The following CAMK2D variants were observed in gnomAD, a reference collection of about 807,000 sequenced individuals.
CAMK2D encodes calcium/calmodulin dependent protein kinase II delta.
CAMK2D carries 37 observed loss-of-function variants against 84.0 expected under a neutral mutation model. The ratio of observed to expected loss-of-function variants is 0.44; its 90% CI spans 0.34 to 0.58. CAMK2D has a LOEUF of 0.58. Among genes scored for constraint, CAMK2D ranks in the 20% least tolerant of loss-of-function variants. CAMK2D has a pLI of 0.02. For missense variants in CAMK2D, 448 were observed against 652.5 expected, an observed-to-expected ratio of 0.69 and a Z score of 3.41; for synonymous variants, 202 against 212.5, an observed-to-expected ratio of 0.95 and a Z score of 0.43.
chr4:113,467,874 T>G (rs774464793), intron 16 of CAMK2D, among the ~76,000 whole-genome samples: 15 of 152,042 alleles, frequency 9.9e-5, no homozygotes, highest in South Asian at 8.3e-4. Flanking sequence ...GTGAGGAGGA[T>G]CTCAGAAAAT....
chr4:113,660,631 T>G (rs913149983), intron 3 of CAMK2D, among the ~76,000 whole-genome samples: 1 of 152,052 alleles, frequency 6.6e-6, no homozygotes, highest in Non-Finnish European at 1.5e-5. Flanking sequence ...GTTCAAGCGA[T>G]CCTTCTGCCT....
At chr4:113,599,428 C>T (rs2098942062) in intron 4 of CAMK2D, among the ~76,000 whole-genome samples, 1 of 152,128 alleles carries the variant, frequency 6.6e-6, no homozygotes, top group South Asian at 2.1e-4. Flanking sequence ...AATTTGAAAG[C>T]AGTCAAGGTG....
At chr4:113,537,914 G>A (rs2098504591) in intron 6 of CAMK2D, among the ~76,000 whole-genome samples, 1 of 152,122 alleles carries the variant, frequency 6.6e-6, no homozygotes, top group Non-Finnish European at 1.5e-5. Context: ...TCAAGAGTTT[G>A]GACCCAAATG....
chr4:113,544,624 G>T (rs2098554119), intron 6 of CAMK2D, among the ~76,000 whole-genome samples: 1 of 152,130 alleles, frequency 6.6e-6, no homozygotes, highest in East Asian at 1.9e-4. Flanking sequence ...ACAGCACAGG[G>T]TACATGGTAA....
intron 3 of CAMK2D, among the ~76,000 whole-genome samples, chr4:113,612,010 C>T (rs919782630): frequency 1.3e-5 from 2 of 152,022 alleles, no homozygotes; most frequent in Non-Finnish European, 2.9e-5. Context: ...ATGTCCCACC[C>T]TACTTCCTTC....
intron 2 of CAMK2D, among the ~76,000 whole-genome samples, chr4:113,757,322 A>C (rs925887458): frequency 1.3e-5 from 2 of 152,090 alleles, no homozygotes; most frequent in East Asian, 3.8e-4. Context: ...ATGCTATGTT[A>C]ATTCATTCAT....
chr4:113,545,461 T>C lies in CAMK2D; in HGVS notation c.414+2183A>G, dbSNP rs190762061. Among the ~76,000 whole-genome samples the C allele has an allele frequency of 9.1e-4, 139 of 152,326 alleles. 1 individual carries two copies. Among genetic ancestry groups the C allele is most frequent in the Admixed American group, 8.9e-3 (136 of 15,294 alleles). On this transcript the variant is annotated intron_variant, in intron 6 of 20. Coordinates refer to ENST00000511664, the MANE Select transcript of CAMK2D (RefSeq NM_001321571.2). Reference sequence around the variant, plus strand: ...AGGAATAGTAAAGGCAAGTTTTTGTTTAAGGCCTGGTAATAAAAAATTTCA... The same window carrying C: ...AGGAATAGTAAAGGCAAGTTTTTGTCTAAGGCCTGGTAATAAAAAATTTCA...
At chr4:113,749,542 C>T (rs925301673) in intron 2 of CAMK2D, among the ~76,000 whole-genome samples, 1 of 152,074 alleles carries the variant, frequency 6.6e-6, no homozygotes, top group African/African-American at 2.4e-5. Flanking sequence ...TAAAAATAAG[C>T]TTTGTCAAAA....
chr4:113,738,992 T>C (rs2099587155), intron 2 of CAMK2D, among the ~76,000 whole-genome samples: 1 of 152,194 alleles, frequency 6.6e-6, no homozygotes, highest in Non-Finnish European at 1.5e-5. Flanking sequence ...AAAGATTCCT[T>C]CAAAAAATGC....
intron 2 of CAMK2D, chr4:113,754,437 A>T: frequency 1.1e-6 from 1 of 942,548 alleles, no homozygotes; most frequent in Non-Finnish European, 1.3e-6. Flanking sequence ...GATTATTACC[A>T]TTAAAAAGAT....
intron 4 of CAMK2D, among the ~76,000 whole-genome samples, chr4:113,576,676 C>T (rs2098784214): frequency 6.6e-6 from 1 of 151,830 alleles, no homozygotes; most frequent in Non-Finnish European, 1.5e-5. Flanking sequence ...CTTAAAAATA[C>T]TTTTTAACTG....
chr4:113,547,491 G>T (rs1334013462), intron 6 of CAMK2D, among the ~76,000 whole-genome samples, 153 bp downstream of exon 6: 4 of 152,222 alleles, frequency 2.6e-5, no homozygotes, highest in African/African-American at 9.6e-5. Context: ...GATGAAATAA[G>T]AGAGACTGTG....
intron 16 of CAMK2D, among the ~76,000 whole-genome samples, chr4:113,497,402 G>A (rs1197617074): frequency 6.6e-6 from 1 of 152,212 alleles, no homozygotes; most frequent in Non-Finnish European, 1.5e-5. Flanking sequence ...CTGGGGACAT[G>A]ATTTCTCAAT....
At chr4:113,754,689 T>A (rs1200580739) in intron 2 of CAMK2D, 1 of 978,074 alleles carries the variant, frequency 1.0e-6, no homozygotes, top group Non-Finnish European at 1.2e-6. Flanking sequence ...TACTTTTTTT[T>A]TTTATTATTT....
chr4:113,664,435 C>T (rs767305855), intron 2 of CAMK2D, among the ~76,000 whole-genome samples: 5 of 152,184 alleles, frequency 3.3e-5, no homozygotes, highest in African/African-American at 4.8e-5. Context: ...GGGGTCTCAT[C>T]TGAAATCTTG....
chr4:113,692,712 A>C (rs1409697135), intron 2 of CAMK2D, among the ~76,000 whole-genome samples: 6 of 151,958 alleles, frequency 3.9e-5, no homozygotes, highest in Non-Finnish European at 8.8e-5. Flanking sequence ...ATACATATTC[A>C]TATATACATA....
At chr4:113,602,173 C>G (rs751980410) in intron 4 of CAMK2D, among the ~76,000 whole-genome samples, 1 of 151,754 alleles carries the variant, frequency 6.6e-6, no homozygotes, top group African/African-American at 2.4e-5. Flanking sequence ...TCCATTTTTG[C>G]TTGAAGCTGT....
chr4:113,597,104 CA>C (rs1455305908), intron 4 of CAMK2D, among the ~76,000 whole-genome samples: 1 of 152,160 alleles, frequency 6.6e-6, no homozygotes, highest in Non-Finnish European at 1.5e-5. Context: ...AGGCATGAGC[CA>C]CCGCGCCTGG....
At chr4:113,748,170 A>AT (rs2099608964) in intron 2 of CAMK2D, among the ~76,000 whole-genome samples, 1 of 152,100 alleles carries the variant, frequency 6.6e-6, no homozygotes, top group African/African-American at 2.4e-5. Flanking sequence ...CCATTGTTAG[A>AT]TTTATCAACC....
Sources: allele counts gnomAD v4.1 joint callset (sites outside exome capture counted in the v4.1 genomes callset), GRCh38; gene constraint gnomAD v4.1.1; transcripts MANE v1.5; gene names NCBI Gene and HGNC (gene_info 2026-07-23, HGNC 2026-07-21).